BCKDHB: variants seen among roughly 807,000 people sequenced by gnomAD.
BCKDHB encodes the protein branched chain keto acid dehydrogenase E1 subunit beta.
A neutral mutation model predicts 48.5 loss-of-function variants in BCKDHB; 41 were observed. The ratio of observed to expected loss-of-function variants is 0.85; its 90% CI spans 0.66 to 1.10. BCKDHB has a LOEUF of 1.10. BCKDHB is among the 50% of genes least tolerant of loss of function. The pLI, the probability that BCKDHB is intolerant of heterozygous loss-of-function variation, is 0.00. For missense variants in BCKDHB, 496 were observed against 494.2 expected, an observed-to-expected ratio of 1.00 and a Z score of -0.03; for synonymous variants, 201 against 174.8, an observed-to-expected ratio of 1.15 and a Z score of -1.18.
At chr6:80,147,359 G>A (rs1047696937) in intron 3 of BCKDHB, among the ~76,000 whole-genome samples, 4 of 152,116 alleles carry the variant, frequency 2.6e-5, no homozygotes, top group Admixed American at 1.3e-4. Context: ...GAAGAAAATA[G>A]TAGTGATATA....
chr6:80,135,430 T>A (rs191211013), intron 3 of BCKDHB, among the ~76,000 whole-genome samples: 20 of 152,274 alleles, frequency 1.3e-4, no homozygotes, highest in Middle Eastern at 3.4e-3. Context: ...GATTGTGAGA[T>A]GTCTAACAGG....
chr6:80,231,398 TAAAC>T (rs987344159), intron 8 of BCKDHB, among the ~76,000 whole-genome samples: 30 of 151,942 alleles, frequency 2.0e-4, no homozygotes, highest in Admixed American at 1.1e-3. Flanking sequence ...TAAACAAAAA[TAAAC>T]AAAAATAAAA....
intron 3 of BCKDHB, among the ~76,000 whole-genome samples, chr6:80,140,617 C>T (rs1052640529): frequency 2.0e-5 from 3 of 151,436 alleles, no homozygotes; most frequent in Non-Finnish European, 4.4e-5. Flanking sequence ...TATTGATTTG[C>T]GTATATTGAA....
At chr6:80,425,373 G>A in the BCKDHB span, among the ~76,000 whole-genome samples, 2 of 152,160 alleles carry the variant, frequency 1.3e-5, no homozygotes, top group East Asian at 3.9e-4. Context: ...AACTGTTACA[G>A]ATGCAACCAC....
At chr6:80,432,415 T>C in the BCKDHB span, among the ~76,000 whole-genome samples, 1 of 152,184 alleles carries the variant, frequency 6.6e-6, no homozygotes, top group African/African-American at 2.4e-5. Flanking sequence ...GTCTTCTTGC[T>C]TTATTTCATT....
At chr6:80,124,133 C>T (rs529601504) in intron 1 of BCKDHB, among the ~76,000 whole-genome samples, 85 of 152,294 alleles carry the variant, frequency 5.6e-4, no homozygotes, top group African/African-American at 1.8e-3. Flanking sequence ...TTTATTTCTG[C>T]CTTCTTTTCC....
chr6:80,352,710 A>G, the BCKDHB span, among the ~76,000 whole-genome samples: 1 of 152,208 alleles, frequency 6.6e-6, no homozygotes, highest in East Asian at 1.9e-4. Flanking sequence ...TCAATTTTTT[A>G]AAATATGTGA....
At chr6:80,202,134 T>G (rs1456898495) in intron 7 of BCKDHB, among the ~76,000 whole-genome samples, 2 of 152,114 alleles carry the variant, frequency 1.3e-5, no homozygotes, top group Non-Finnish European at 2.9e-5. Flanking sequence ...GAGGTTAGAG[T>G]GTATTAGGTA....
At chr6:80,355,325 G>A in the BCKDHB span, 1 of 149,438 alleles carries the variant, frequency 6.7e-6, no homozygotes, top group African/African-American at 2.5e-5. Context: ...TCTTGAACCC[G>A]GGAGGCAGAG....
chr6:80,390,161 G>C, the BCKDHB span, among the ~76,000 whole-genome samples: 6 of 152,288 alleles, frequency 3.9e-5, no homozygotes, highest in South Asian at 1.2e-3. Flanking sequence ...CTCCACAACA[G>C]AGGTAAGGAA....
chr6:80,374,597 G>T, the BCKDHB span: 1 of 628,596 alleles, frequency 1.6e-6, no homozygotes, highest in Non-Finnish European at 2.9e-6. Flanking sequence ...GGCTACTTAG[G>T]AAAAGAGCCA....
chr6:80,368,685 A>G, the BCKDHB span, among the ~76,000 whole-genome samples: 1 of 150,472 alleles, frequency 6.6e-6, no homozygotes, highest in African/African-American at 2.4e-5. Flanking sequence ...TTTCTTTTCC[A>G]TTTCCAGATT....
intron 1 of BCKDHB, chr6:80,127,225 C>A (rs1282706223): frequency 3.0e-6 from 1 of 333,146 alleles, no homozygotes; most frequent in Non-Finnish European, 5.8e-6. Context: ...CTTCCCAGAC[C>A]ACTCACTTTG....
At chr6:80,109,994 G>T (rs2127704843) in intron 1 of BCKDHB, among the ~76,000 whole-genome samples, 1 of 152,292 alleles carries the variant, frequency 6.6e-6, no homozygotes, top group Admixed American at 6.5e-5. Context: ...AAATATTGAA[G>T]AACATACTAA....
chr6:80,320,093 A>G (rs898349134), intron 9 of BCKDHB, among the ~76,000 whole-genome samples: 3 of 152,202 alleles, frequency 2.0e-5, no homozygotes, highest in Non-Finnish European at 4.4e-5. Context: ...ACCATTATAA[A>G]TAAGTTATTT....
chr6:80,139,052 G>A (rs1319041616), intron 3 of BCKDHB, among the ~76,000 whole-genome samples: 43 of 152,218 alleles, frequency 2.8e-4, no homozygotes, highest in Admixed American at 7.2e-4. Flanking sequence ...TCTGATGGCC[G>A]GTGATGGTGA....
At chr6:80,178,274 C>T (rs183105375) in intron 6 of BCKDHB, among the ~76,000 whole-genome samples, 4 of 152,316 alleles carry the variant, frequency 2.6e-5, no homozygotes. Flanking sequence ...GATTAGTAAG[C>T]TTCTTTCACA....
chr6:80,380,553 G>C, the BCKDHB span, among the ~76,000 whole-genome samples: 1 of 151,786 alleles, frequency 6.6e-6, no homozygotes, highest in Non-Finnish European at 1.5e-5. Context: ...AAACCCAAAA[G>C]CACAAGCAAC....
chr6:80,234,463 A>G (rs553071035), intron 8 of BCKDHB, among the ~76,000 whole-genome samples: 1 of 152,244 alleles, frequency 6.6e-6, no homozygotes, highest in Admixed American at 6.5e-5. Context: ...AAGGTTTTGA[A>G]CTTAATAATA....
Sources: gnomAD v4.1 joint callset for allele counts (sites outside exome capture counted in the v4.1 genomes callset) on GRCh38, gnomAD v4.1.1 for gene constraint, MANE v1.5 for transcripts, NCBI Gene and HGNC (gene_info 2026-07-23, HGNC 2026-07-21) for gene names.